Variants in PCGF3 observed in about 807,000 individuals in gnomAD.
PCGF3 encodes the protein polycomb group ring finger 3, also known as polycomb group RING finger protein 3.
In PCGF3, 7 loss-of-function variants were observed where a neutral mutation model predicts 33.1. The observed-to-expected ratio is 0.21, with a 90% confidence interval of 0.12 to 0.40. The LOEUF is 0.40. PCGF3 is among the 10% of genes least tolerant of loss of function. PCGF3 has a pLI of 1.00. For missense variants in PCGF3, 211 were observed against 313.3 expected, an observed-to-expected ratio of 0.67 and a Z score of 2.46; for synonymous variants, 153 against 121.3, an observed-to-expected ratio of 1.26 and a Z score of -1.72.
At chr4:736,561 A>G (rs1259739727) in intron 5 of PCGF3, among the ~76,000 whole-genome samples, 3,864 of 91,702 alleles carry the variant, frequency 0.042, 49 homozygotes, top group African/African-American at 0.048. Context: ...GTCCGCAGGG[A>G]CGGTGTCCCC....
rs1469639464 is a variant in PCGF3 at position 758,814 on chromosome 4, C to CCT, written c.463-2465_463-2464insCT. Among the ~76,000 whole-genome samples, 140 of 14,878 alleles carry CCT rather than the reference C, an allele frequency of 9.4e-3. 12 individuals are homozygous for CCT. Among genetic ancestry groups the CCT allele is most frequent in the Non-Finnish European group, 0.015 (97 of 6,290 alleles). The allele number at this position is 14,878 out of a possible 152,430, so 9.8% of individuals were successfully genotyped here. A position where few individuals can be genotyped will look rare whatever the true frequency, so the allele number is the denominator to read the frequency against. ...CGGCCCCTCTCCCGAGCTCTTCTTG[C>CCT]TCCGGACTCCGGGTCTTTCTCCCCG... On this transcript the variant is annotated intron_variant, in intron 8 of 10. Coordinates refer to ENST00000362003, the Ensembl canonical transcript of PCGF3.
At chr4:766,536 A>G (rs1467558778) in exon 11 of PCGF3, 1 of 153,220 alleles carries the variant, frequency 6.5e-6, no homozygotes, top group Non-Finnish European at 1.5e-5. Context: ...GGTGAATGAC[A>G]ATATTTATGT....
At chr4:717,677 T>C (rs891444884) in intron 1 of PCGF3, among the ~76,000 whole-genome samples, 2 of 152,176 alleles carry the variant, frequency 1.3e-5, no homozygotes, top group African/African-American at 4.8e-5. Context: ...CGCGCCCGGC[T>C]GTGTGTGCTT....
chr4:763,909 A>G (rs949648823), intron 9 of PCGF3, among the ~76,000 whole-genome samples: 2 of 152,240 alleles, frequency 1.3e-5, no homozygotes, highest in Non-Finnish European at 1.5e-5. Context: ...GAGCAGGCAC[A>G]TGGGAGAAAC....
At chr4:712,733 A>G (rs534235792) in intron 1 of PCGF3, among the ~76,000 whole-genome samples, 173 of 152,360 alleles carry the variant, frequency 1.1e-3, no homozygotes, top group South Asian at 2.7e-3. Flanking sequence ...GGCGTGAGCC[A>G]CCGCGCCCGG....
chr4:711,251 CG>C (rs1474614286), intron 1 of PCGF3, among the ~76,000 whole-genome samples: 1 of 152,208 alleles, frequency 6.6e-6, no homozygotes, highest in Non-Finnish European at 1.5e-5. Context: ...GTGGCAAAAT[CG>C]AGGAGCTGCA....
chr4:749,365 T>C (rs766008769), intron 8 of PCGF3, among the ~76,000 whole-genome samples: 57 of 151,976 alleles, frequency 3.8e-4, no homozygotes, highest in Non-Finnish European at 6.6e-4. Flanking sequence ...GGTTTCTCCA[T>C]GTTGGTCAGG....
intron 1 of PCGF3, among the ~76,000 whole-genome samples, chr4:719,829 A>C (rs1743001457): frequency 6.6e-6 from 1 of 152,150 alleles, no homozygotes. Context: ...TGCTGCAGTG[A>C]TGCCAGGGGC....
exon 9 of PCGF3, chr4:761,339 C>A: frequency 6.2e-7 from 1 of 1,610,906 alleles, no homozygotes. Context: ...GAAGTGGATC[C>A]GCTGCTCAGC....
chr4:741,482 C>G (rs1037362385), intron 6 of PCGF3, among the ~76,000 whole-genome samples: 1 of 152,232 alleles, frequency 6.6e-6, no homozygotes, highest in Admixed American at 6.5e-5. Flanking sequence ...TCTCAGCTCA[C>G]TGCAACCTCC....
intron 1 of PCGF3, among the ~76,000 whole-genome samples, chr4:728,519 C>G (rs1320693923): frequency 2.0e-5 from 3 of 152,220 alleles, no homozygotes; most frequent in African/African-American, 7.2e-5. Context: ...GCAGACTCGA[C>G]ACCACTTCAT....
At chr4:728,713 G>T (rs1743429561) in intron 1 of PCGF3, among the ~76,000 whole-genome samples, 1 of 152,186 alleles carries the variant, frequency 6.6e-6, no homozygotes, top group Admixed American at 6.5e-5. Flanking sequence ...TGTTTTCACT[G>T]AAGTCTGAGA....
intron 1 of PCGF3, among the ~76,000 whole-genome samples, chr4:709,667 C>G (rs553332656): frequency 5.9e-5 from 9 of 152,370 alleles, no homozygotes; most frequent in Non-Finnish European, 1.2e-4. Flanking sequence ...AGGTGTAACC[C>G]TAAAACTCTG....
At chr4:767,045 C>T (rs770954216) in exon 11 of PCGF3, 1 of 152,326 alleles carries the variant, frequency 6.6e-6, no homozygotes, top group African/African-American at 2.4e-5. Context: ...CCCAGACACA[C>T]TCACTGCCCC....
intron 6 of PCGF3, 161 bp downstream of exon 6, chr4:737,682 G>C: frequency 1.6e-6 from 1 of 616,122 alleles, no homozygotes; most frequent in Non-Finnish European, 2.9e-6. Context: ...TCCTTGGCTG[G>C]TCTCTTCTTT....
In PCGF3 at chr4:707,916, T is replaced by C. The variant is rs56283097; in HGVS notation, c.-190+1946T>C. On this transcript the variant is annotated intron_variant, in intron 1 of 10. Transcript: ENST00000362003. Reference sequence around the variant, plus strand: ...AGACAGCCCTGTTTTCCCCTGGGGGTCGGGACCCTGGGACAGCCCTGTTTT... The same window carrying C: ...AGACAGCCCTGTTTTCCCCTGGGGGCCGGGACCCTGGGACAGCCCTGTTTT... 7.0e-3 allele frequency among the ~76,000 whole-genome samples: 311 copies of C among 44,142 alleles called. 7 individuals are homozygous for C. The highest frequency in any genetic ancestry group is 0.015 in the Admixed American group (61 of 4,170). 29.0% of individuals were successfully genotyped at this position (44,142 alleles called of 152,430 possible).
In PCGF3 at chr4:768,085, T is replaced by C. The variant is rs1171869354; in HGVS notation, c.*2006T>C. 7 of 152,704 alleles carry C rather than the reference T, an allele frequency of 4.6e-5. No homozygotes were observed. In the East Asian group the frequency reaches 1.3e-3, roughly 29 times the overall value. The allele number at this position is 152,704 out of a possible 1,614,324, so 9.5% of individuals were successfully genotyped here. A position where few individuals can be genotyped will look rare whatever the true frequency, so the allele number is the denominator to read the frequency against. ...TATATTTGTAACTTTGTAGCTATCT[T>C]TGAAATCACTTGACTTTGCAATGGT... On this transcript the variant is annotated 3_prime_UTR_variant, in exon 11 of 11. Transcript: ENST00000362003.
intron 6 of PCGF3, 100 bp from the exon 7 acceptor site, chr4:743,374 T>A: frequency 1.4e-6 from 1 of 706,660 alleles, no homozygotes; most frequent in Non-Finnish European, 2.5e-6. Context: ...TCAAACTTCA[T>A]AATGCAAATC....
At chr4:729,138 G>A (rs543590476) in intron 1 of PCGF3, among the ~76,000 whole-genome samples, 3 of 147,572 alleles carry the variant, frequency 2.0e-5, no homozygotes, top group Admixed American at 2.0e-4. Flanking sequence ...AACTGGGCTG[G>A]GCACGGTGGC....
Sources: gnomAD v4.1 joint callset for allele counts (sites outside exome capture counted in the v4.1 genomes callset) on GRCh38, gnomAD v4.1.1 for gene constraint, MANE v1.5 for transcripts, NCBI Gene and HGNC (gene_info 2026-07-23, HGNC 2026-07-21) for gene names.